COG4: variants seen among roughly 807,000 people sequenced by gnomAD.
The protein encoded by COG4 is component of oligomeric golgi complex 4.
Under a neutral mutation model 95.1 loss-of-function variants are expected in COG4, and 65 were observed. That is an observed-to-expected ratio of 0.68 (90% CI 0.56 to 0.84). The LOEUF is 0.84. COG4 is among the 40% of genes least tolerant of loss of function. The probability of loss-of-function intolerance (pLI) is 0.00; values close to 1 mark genes in which losing one functional copy is unlikely to be tolerated. For synonymous variants in COG4, 421 were observed against 374.8 expected, an observed-to-expected ratio of 1.12 and a Z score of -1.42; for missense variants, 1,045 against 989.1, an observed-to-expected ratio of 1.06 and a Z score of -0.76.
chr16:70,522,407 C>A (rs2049967453), intron 1 of COG4, among the ~76,000 whole-genome samples: 1 of 152,184 alleles, frequency 6.6e-6, no homozygotes, highest in Admixed American at 6.5e-5. Context: ...CTGATTGCAG[C>A]ACAACAGCAC....
intron 9 of COG4, among the ~76,000 whole-genome samples, chr16:70,498,431 C>G (rs2049384185): frequency 6.6e-6 from 1 of 151,962 alleles, no homozygotes; most frequent in Admixed American, 6.6e-5. Flanking sequence ...CAGGTTCAAA[C>G]AATTCTCCTG....
rs553984765 is a variant in COG4 at position 70,485,260 on chromosome 16, G to C, written c.1711-1291C>G. On this transcript the variant is annotated intron_variant, in intron 13 of 18. Coordinates refer to ENST00000323786, the MANE Select transcript of COG4 (RefSeq NM_015386.3). ...ACTCTGTCGCCCTGGCTGGAGTGCA[G>C]TGGCATGATCTCGGCTCACTGCAAC... 2.3e-3 allele frequency among the ~76,000 whole-genome samples: 351 copies of C among 149,414 alleles called. 1 individual carries two copies. Among genetic ancestry groups the C allele is most frequent in the Non-Finnish European group, 3.8e-3 (260 of 67,658 alleles).
chr16:70,481,559 G>A, intron 17 of COG4, 72 bp from the exon 18 acceptor site: 1 of 1,604,218 alleles, frequency 6.2e-7, no homozygotes, highest in Admixed American at 1.7e-5. Flanking sequence ...TGCCCCCAGA[G>A]CTGGGTGGCA....
Position 70,509,839 on chromosome 16 carries a change from G to C in COG4, c.844+77C>G, listed in dbSNP as rs540873272. The C allele has an allele frequency of 1.4e-5, 15 of 1,051,260 alleles. No homozygotes were observed. The East Asian group carries it at 3.6e-4, about 25-fold the overall frequency. 65.1% of individuals were successfully genotyped at this position (1,051,260 alleles called of 1,614,324 possible). On this transcript the variant is annotated intron_variant, in intron 6 of 18. Transcript: ENST00000323786. ...TGATTAAATTAAAGTCATCAGGCTAGAAGGGTGAGAAGAAAGGCTAGGATG... is the reference window on the plus strand; with the variant it reads ...TGATTAAATTAAAGTCATCAGGCTACAAGGGTGAGAAGAAAGGCTAGGATG...
chr16:70,480,632 C>G lies in COG4; in HGVS notation c.*378G>C, dbSNP rs770369266. 3.4e-6 allele frequency: 1 copy of G among 290,190 alleles called. No homozygotes were observed. Among genetic ancestry groups the G allele is most frequent in the Non-Finnish European group, 6.7e-6 (1 of 150,084 alleles). The allele number at this position is 290,190 out of a possible 1,614,324, so 18.0% of individuals were successfully genotyped here. A position where few individuals can be genotyped will look rare whatever the true frequency, so the allele number is the denominator to read the frequency against. On this transcript the variant is annotated 3_prime_UTR_variant, in exon 19 of 19. Coordinates refer to ENST00000323786, the MANE Select transcript of COG4 (RefSeq NM_015386.3). ...TCACAGCCTCTCCTCAAAGTCAAGC[C>G]TAACTGCTAGGTCCCCAGATGTACC...
intron 8 of COG4, among the ~76,000 whole-genome samples, chr16:70,504,804 G>A (rs867947975): frequency 6.6e-6 from 1 of 151,222 alleles, no homozygotes; most frequent in Non-Finnish European, 1.5e-5. Context: ...CCAGCTACTT[G>A]GGAGGTTGAG....
At chr16:70,482,434 G>T in intron 15 of COG4, 1 of 609,206 alleles carries the variant, frequency 1.6e-6, no homozygotes, top group South Asian at 2.0e-5. Context: ...TGTTCTACAG[G>T]AATGAAATCA....
chr16:70,490,192 T>C (rs1292506781), intron 13 of COG4, 138 bp downstream of exon 13: 19 of 759,240 alleles, frequency 2.5e-5, no homozygotes, highest in Middle Eastern at 4.6e-4. Flanking sequence ...CTTGCTATCA[T>C]GTCAGTCACC....
chr16:70,489,080 C>T (rs1013966104), intron 13 of COG4, among the ~76,000 whole-genome samples: 1 of 152,166 alleles, frequency 6.6e-6, no homozygotes, highest in African/African-American at 2.4e-5. Context: ...GGCTTCAAAG[C>T]CCAAGCAATT....
At chr16:70,519,558 G>C in intron 2 of COG4, 91 bp downstream of exon 2, 3 of 842,172 alleles carry the variant, frequency 3.6e-6, no homozygotes, top group Admixed American at 3.8e-5. Flanking sequence ...AGCTGAACTG[G>C]TGTTTATAAC....
chr16:70,515,364 G>A (rs992763077), intron 3 of COG4, among the ~76,000 whole-genome samples: 1 of 152,004 alleles, frequency 6.6e-6, no homozygotes, highest in African/African-American at 2.4e-5. Context: ...GAACCATACA[G>A]CCACCAACTC....
intron 10 of COG4, 44 bp downstream of exon 10, chr16:70,497,893 T>C (rs966666801): frequency 7.9e-6 from 9 of 1,141,560 alleles, no homozygotes; most frequent in Non-Finnish European, 1.2e-5. Context: ...CCTGGCTTCT[T>C]GGACCGGAAG....
In COG4 at chr16:70,514,473, T is replaced by G; in HGVS notation, c.406A>C (p.Ile136Leu). The change falls in exon 4 of 19, where the codon ATC becomes CTC. Residue 136 changes from isoleucine to leucine, a missense_variant. By Grantham distance (5) the Ile-to-Leu change is conservative. Coordinates refer to ENST00000323786, the MANE Select transcript of COG4 (RefSeq NM_015386.3). ...TCCATGCAGAACTTCAGGTCCAAGA[T>G]GTCATCAGCTCTCTGAATGGCCTGA... ...LYQAIQRADDILDLKFCMDGV... is the reference protein window; with the variant it reads ...LYQAIQRADDLLDLKFCMDGV... 2 of 1,614,140 alleles carry G rather than the reference T, an allele frequency of 1.2e-6. No homozygotes were observed. The highest frequency in any genetic ancestry group is 1.7e-5 in the Admixed American group (1 of 60,002).
chr16:70,494,217 C>T (rs2049297311), intron 12 of COG4, among the ~76,000 whole-genome samples: 2 of 152,144 alleles, frequency 1.3e-5, no homozygotes, highest in Non-Finnish European at 1.5e-5. Flanking sequence ...TAAGTGTTTC[C>T]AAGGCATTTA....
intron 8 of COG4, among the ~76,000 whole-genome samples, chr16:70,507,459 C>T (rs1371470859): frequency 6.6e-6 from 1 of 152,000 alleles, no homozygotes; most frequent in Non-Finnish European, 1.5e-5. Context: ...CAGGTTTATA[C>T]CCTAGGAGTA....
chr16:70,517,605 A>G (rs748751270), intron 3 of COG4, 21 bp downstream of exon 3: 1 of 1,330,368 alleles, frequency 7.5e-7, no homozygotes, highest in East Asian at 2.3e-5. Flanking sequence ...AAAAAAAAAA[A>G]AAAAAAGCTT....
chr16:70,486,044 C>T (rs1399232728), intron 13 of COG4, among the ~76,000 whole-genome samples: 1 of 152,040 alleles, frequency 6.6e-6, no homozygotes, highest in Non-Finnish European at 1.5e-5. Flanking sequence ...TACAGGCGCC[C>T]ACCACCACGC....
At position 70,512,638 on chromosome 16, in the gene COG4, T is replaced by C. The variant is rs527403220; in HGVS notation, c.545-206A>G. 4.6e-5 allele frequency among the ~76,000 whole-genome samples: 7 copies of C among 152,240 alleles called. No individual in the cohort carries two copies. In the South Asian group the frequency reaches 1.2e-3, roughly 27 times the overall value. On this transcript the variant is annotated intron_variant, in intron 4 of 18. Transcript: ENST00000323786. Reference sequence around the variant, plus strand: ...GTTAGGATCAGGTAGAAGAGATAGTTTGTGCACAAATCAAGATGATGAAAT... The same window carrying C: ...GTTAGGATCAGGTAGAAGAGATAGTCTGTGCACAAATCAAGATGATGAAAT...
At chr16:70,522,428 G>C (rs1249249754) in intron 1 of COG4, among the ~76,000 whole-genome samples, 1 of 152,152 alleles carries the variant, frequency 6.6e-6, no homozygotes, top group Non-Finnish European at 1.5e-5. Flanking sequence ...TCCAGCCTGC[G>C]CAACAGAGAG....
Sources: allele counts gnomAD v4.1 joint callset (sites outside exome capture counted in the v4.1 genomes callset), GRCh38; gene constraint gnomAD v4.1.1; transcripts MANE v1.5; gene names NCBI Gene and HGNC (gene_info 2026-07-23, HGNC 2026-07-21).